The following LRBA variants were observed in gnomAD, a reference collection of about 807,000 sequenced individuals.
The protein encoded by LRBA is lipopolysaccharide-responsive and beige-like anchor protein.
LRBA carries 176 observed loss-of-function variants against 330.0 expected under a neutral mutation model. The observed-to-expected ratio is 0.53, with a 90% CI of 0.47 to 0.60. The LOEUF (loss-of-function observed/expected upper bound fraction) is 0.60. Among genes scored for constraint, LRBA ranks in the 20% least tolerant of loss-of-function variants. The pLI is 0.00. For missense variants in LRBA, 3,259 were observed against 3,444.8 expected (o/e 0.95, Z 1.35); for synonymous variants, 1,230 against 1,193.0 (o/e 1.03, Z -0.64).
intron 17 of LRBA, among the ~76,000 whole-genome samples, chr4:150,887,844 C>T (rs1383970836): frequency 6.8e-6 from 1 of 146,438 alleles, no homozygotes. Flanking sequence ...ACAAAGAAAA[C>T]CATAATGAAC....
chr4:150,919,494 G>A (rs1733011530), intron 5 of LRBA, among the ~76,000 whole-genome samples: 1 of 152,094 alleles, frequency 6.6e-6, no homozygotes, highest in Admixed American at 6.6e-5. Flanking sequence ...CATAAAACAT[G>A]AAAGACATCA....
At chr4:150,842,929 A>G (rs1749314491) in intron 28 of LRBA, among the ~76,000 whole-genome samples, 1 of 152,084 alleles carries the variant, frequency 6.6e-6, no homozygotes, top group South Asian at 2.1e-4. Context: ...GGTAGGGGGC[A>G]TGGTTTCAGG....
chr4:150,612,189 A>C (rs990720813), intron 37 of LRBA, among the ~76,000 whole-genome samples: 1 of 152,156 alleles, frequency 6.6e-6, no homozygotes, highest in African/African-American at 2.4e-5. Context: ...AAGTAACAGG[A>C]AGACAAGAAA....
intron 26 of LRBA, 116 bp downstream of exon 26, chr4:150,848,702 G>A: frequency 1.3e-6 from 1 of 789,500 alleles, no homozygotes; most frequent in Non-Finnish European, 2.0e-6. Context: ...GTAACCATAT[G>A]ACAAATTAGC....
intron 36 of LRBA, among the ~76,000 whole-genome samples, chr4:150,732,736 G>A (rs1730628978): frequency 6.6e-6 from 1 of 151,888 alleles, no homozygotes; most frequent in African/African-American, 2.4e-5. Flanking sequence ...TAATGTTATA[G>A]GTAGTAATAG....
In LRBA at chr4:150,916,303, G is replaced by C; in HGVS notation, c.894+98C>G. 4 of 1,206,292 alleles carry C rather than the reference G, an allele frequency of 3.3e-6. No individual in the cohort carries two copies. In the South Asian group the frequency reaches 6.4e-5, roughly 19 times the overall value. The allele number at this position is 1,206,292 out of a possible 1,614,324, so 74.7% of individuals were successfully genotyped here. A position where few individuals can be genotyped will look rare whatever the true frequency, so the allele number is the denominator to read the frequency against. ...CTTTTTAAACAGTAAAAACGAAGTT[G>C]TGCTTTAGCATGTTATTATATGAAT... is the stretch of plus-strand genomic sequence containing the variant. On this transcript the variant is annotated intron_variant, in intron 7 of 56. Transcript: ENST00000651943.
chr4:151,006,320 C>A (rs765692162), intron 2 of LRBA, among the ~76,000 whole-genome samples: 2 of 151,616 alleles, frequency 1.3e-5, no homozygotes, highest in Non-Finnish European at 2.9e-5. Flanking sequence ...AGGGAGACTC[C>A]GTCTCAAAAA....
At chr4:150,428,340 T>C (rs1040005705) in intron 46 of LRBA, among the ~76,000 whole-genome samples, 1 of 152,086 alleles carries the variant, frequency 6.6e-6, no homozygotes, top group Non-Finnish European at 1.5e-5. Context: ...TGATGGTATG[T>C]CCATGTTCGC....
intron 44 of LRBA, among the ~76,000 whole-genome samples, chr4:150,443,400 T>C (rs1752088432): frequency 6.6e-6 from 1 of 152,118 alleles, no homozygotes. Flanking sequence ...CATGCACACA[T>C]ACATTTACTG....
At chr4:150,942,861 TTTAAG>T (rs1272744574) in intron 2 of LRBA, among the ~76,000 whole-genome samples, 3 of 152,166 alleles carry the variant, frequency 2.0e-5, no homozygotes, top group South Asian at 2.1e-4. Flanking sequence ...TAATCTATTA[TTTAAG>T]TTAGATTTTT....
chr4:150,282,685 T>A (rs1747687941), intron 54 of LRBA, 39 bp from the exon 55 acceptor site: 1 of 1,363,292 alleles, frequency 7.3e-7, no homozygotes, highest in Non-Finnish European at 1.0e-6. Context: ...AATTATTGAA[T>A]GAAAACAGAC....
chr4:150,690,889 T>C (rs1784069614), intron 36 of LRBA, among the ~76,000 whole-genome samples: 1 of 150,494 alleles, frequency 6.6e-6, no homozygotes, highest in African/African-American at 2.4e-5. Context: ...ATTTAAAAAC[T>C]GACAAAATAA....
chr4:150,340,296 G>A lies in LRBA; in HGVS notation c.7362+9696C>T, dbSNP rs939955091. Among the ~76,000 whole-genome samples, 3 of 152,038 alleles carry A rather than the reference G, an allele frequency of 2.0e-5. No individual in the cohort carries two copies. The East Asian group carries it at 5.8e-4, about 29-fold the overall frequency. On this transcript the variant is annotated intron_variant, in intron 48 of 56. Coordinates refer to ENST00000651943, the MANE Select transcript of LRBA (RefSeq NM_001364905.1). ...CTTGGTCAATTATTACTTTTGGTTA[G>A]AGTTCTAAGTAAATAGTACATGAAC... is the stretch of plus-strand genomic sequence containing the variant.
rs80215080 is a variant in LRBA at position 150,353,664 on chromosome 4, C to T, written c.7195-3505G>A. ...GCAAAAATGCTGAAAGGAAAGCTAC[C>T]GTGTGCTCATATCATGCTGCAAACA... is the stretch of plus-strand genomic sequence containing the variant. On this transcript the variant is annotated intron_variant, in intron 47 of 56. Coordinates refer to ENST00000651943, the MANE Select transcript of LRBA (RefSeq NM_001364905.1). 1.6e-3 allele frequency among the ~76,000 whole-genome samples: 251 copies of T among 152,222 alleles called. 9 individuals are homozygous for T. The East Asian group carries it at 0.046, about 28-fold the overall frequency.
chr4:150,391,924 A>G (rs1378701523), intron 47 of LRBA, among the ~76,000 whole-genome samples: 1 of 149,630 alleles, frequency 6.7e-6, no homozygotes, highest in Admixed American at 6.8e-5. Flanking sequence ...TCATCTGAGT[A>G]ACATAAAAAT....
chr4:150,614,347 T>G (rs1390334914), intron 37 of LRBA, among the ~76,000 whole-genome samples: 2 of 152,082 alleles, frequency 1.3e-5, no homozygotes, highest in Admixed American at 6.6e-5. Flanking sequence ...AAAATTAGAC[T>G]ATAGGGAAGA....
chr4:150,861,104 T>C (rs989668800), intron 22 of LRBA, among the ~76,000 whole-genome samples: 6 of 152,208 alleles, frequency 3.9e-5, no homozygotes, highest in Non-Finnish European at 5.9e-5. Flanking sequence ...GTTTTAATTT[T>C]TGTTTTAACA....
At chr4:150,386,180 C>T (rs970515303) in intron 47 of LRBA, among the ~76,000 whole-genome samples, 6 of 151,872 alleles carry the variant, frequency 4.0e-5, no homozygotes, top group African/African-American at 1.5e-4. Flanking sequence ...TAATCAAAAT[C>T]AGCATTCTCC....
intron 34 of LRBA, among the ~76,000 whole-genome samples, chr4:150,784,140 G>T (rs1377492944): frequency 6.6e-6 from 1 of 152,176 alleles, no homozygotes; most frequent in Non-Finnish European, 1.5e-5. Context: ...AAGGTGATTT[G>T]ATACGTGCAT....
Sources: gnomAD v4.1 joint callset for allele counts (sites outside exome capture counted in the v4.1 genomes callset) on GRCh38, gnomAD v4.1.1 for gene constraint, MANE v1.5 for transcripts, NCBI Gene and HGNC (gene_info 2026-07-23, HGNC 2026-07-21) for gene names.